RAD51B: variants seen among roughly 807,000 people sequenced by gnomAD.
RAD51B encodes the protein DNA repair protein RAD51 homolog 2.
In RAD51B, 38 loss-of-function variants were observed where a neutral mutation model predicts 42.2. The ratio of observed to expected loss-of-function variants is 0.90; its 90% CI spans 0.70 to 1.18. RAD51B has a LOEUF of 1.18. Among genes scored for constraint, RAD51B ranks in the 50% most tolerant of loss-of-function variants. The pLI is 0.00. For missense variants in RAD51B, 373 were observed against 400.7 expected, an observed-to-expected ratio of 0.93 and a Z score of 0.59; for synonymous variants, 154 against 145.2, an observed-to-expected ratio of 1.06 and a Z score of -0.43.
intron 10 of RAD51B, among the ~76,000 whole-genome samples, chr14:68,538,350 A>G (rs549483973): frequency 6.6e-6 from 1 of 152,330 alleles, no homozygotes. Flanking sequence ...GCCGGGGGCC[A>G]GGAGCCAGCT....
At chr14:67,839,666 C>T (rs1314301679) in intron 4 of RAD51B, among the ~76,000 whole-genome samples, 2 of 151,900 alleles carry the variant, frequency 1.3e-5, no homozygotes, top group Non-Finnish European at 2.9e-5. Flanking sequence ...ATTATTTCTT[C>T]ATCTTCTACC....
chr14:68,554,960 T>C (rs1888759391), intron 10 of RAD51B, among the ~76,000 whole-genome samples: 1 of 152,046 alleles, frequency 6.6e-6, no homozygotes, highest in Non-Finnish European at 1.5e-5. Context: ...GTGAGTCTCC[T>C]GCCTCAGCTC....
chr14:67,953,189 G>A (rs2074486069), intron 7 of RAD51B, among the ~76,000 whole-genome samples: 1 of 152,142 alleles, frequency 6.6e-6, no homozygotes, highest in Non-Finnish European at 1.5e-5. Context: ...ATTAACATAA[G>A]TGCTTCATGA....
intron 7 of RAD51B, among the ~76,000 whole-genome samples, chr14:67,987,310 A>G (rs2075211497): frequency 6.6e-6 from 1 of 152,162 alleles, no homozygotes; most frequent in Non-Finnish European, 1.5e-5. Flanking sequence ...TTTTGTACCC[A>G]TTAACCATTT....
chr14:68,198,173 C>T (rs889210196), intron 7 of RAD51B, among the ~76,000 whole-genome samples: 10 of 151,986 alleles, frequency 6.6e-5, no homozygotes, highest in Non-Finnish European at 1.2e-4. Context: ...ATTTTTCCAG[C>T]GTTCTCTAGC....
At chr14:68,402,860 CTG>C (rs1195553411) in intron 8 of RAD51B, among the ~76,000 whole-genome samples, 2 of 152,168 alleles carry the variant, frequency 1.3e-5, no homozygotes, top group Non-Finnish European at 2.9e-5. Context: ...GATGAGGAAA[CTG>C]AGGCTCAGTG....
At chr14:67,896,088 C>T (rs2043408458) in intron 7 of RAD51B, among the ~76,000 whole-genome samples, 1 of 152,098 alleles carries the variant, frequency 6.6e-6, no homozygotes, top group African/African-American at 2.4e-5. Context: ...CCCCTGAAAA[C>T]AGAATTATGT....
At chr14:67,927,078 C>T (rs1425021139) in intron 7 of RAD51B, among the ~76,000 whole-genome samples, 1 of 152,152 alleles carries the variant, frequency 6.6e-6, no homozygotes, top group Non-Finnish European at 1.5e-5. Flanking sequence ...TGCTCAAGAT[C>T]ACTATGGTTC....
chr14:67,824,327 G>A (rs184278092), intron 2 of RAD51B, among the ~76,000 whole-genome samples: 72 of 152,084 alleles, frequency 4.7e-4, no homozygotes, highest in African/African-American at 1.7e-3. Flanking sequence ...GTGCCATATC[G>A]GCTCACTGCA....
chr14:68,296,779 A>G (rs1447843748), intron 8 of RAD51B, among the ~76,000 whole-genome samples: 2 of 152,202 alleles, frequency 1.3e-5, no homozygotes, highest in African/African-American at 4.8e-5. Context: ...GCTTTATGGA[A>G]AAGAAGACAT....
At chr14:67,822,233 A>C (rs2040655387) in intron 1 of RAD51B, 1 of 152,176 alleles carries the variant, frequency 6.6e-6, no homozygotes, top group South Asian at 2.1e-4. Flanking sequence ...TCAATGAGAT[A>C]TACAGCTTCT....
At chr14:68,268,611 C>T (rs2081040795) in intron 7 of RAD51B, among the ~76,000 whole-genome samples, 1 of 152,192 alleles carries the variant, frequency 6.6e-6, no homozygotes, top group African/African-American at 2.4e-5. Context: ...AACTAGGAAT[C>T]AAAAGATCTG....
intron 5 of RAD51B, among the ~76,000 whole-genome samples, chr14:67,875,423 G>A (rs530831349): frequency 6.6e-6 from 1 of 152,278 alleles, no homozygotes; most frequent in South Asian, 2.1e-4. Flanking sequence ...ACAGTCATGT[G>A]CTACATAACA....
intron 7 of RAD51B, among the ~76,000 whole-genome samples, chr14:68,167,046 G>A (rs371493985): frequency 6.6e-6 from 1 of 152,006 alleles, no homozygotes; most frequent in Non-Finnish European, 1.5e-5. Context: ...GTCTACTCTC[G>A]ATACCATTTC....
At chr14:68,481,492 C>T (rs1411278863), downstream of RAD51B, among the ~76,000 whole-genome samples, 1 of 152,232 alleles carries the variant, frequency 6.6e-6, no homozygotes. Flanking sequence ...CAAGGCCCTC[C>T]AGGCCTTCAC....
intron 8 of RAD51B, among the ~76,000 whole-genome samples, chr14:68,299,527 T>C (rs974090638): frequency 3.3e-5 from 5 of 152,224 alleles, no homozygotes; most frequent in Admixed American, 1.3e-4. Context: ...GTAGGTTACA[T>C]GCAAATACAG....
rs545706666 is a variant in RAD51B, at chr14:68,171,414, C to T, written c.757-120470C>T. 2.0e-5 allele frequency among the ~76,000 whole-genome samples: 3 copies of T among 152,154 alleles called. No individual in the cohort carries two copies. In the East Asian group the frequency reaches 5.8e-4, roughly 29 times the overall value. The stretch of plus-strand genomic sequence containing the variant: ...TCCCGGGTTCAAGTGATTCTCCTGC[C>T]TCAGCCTCCCAAGTAGCTGGGATTA... On this transcript the variant is annotated intron_variant, in intron 7 of 10. Transcript: ENST00000471583.
Position 68,350,514 on chromosome 14 carries a change from A to C in RAD51B, c.853+58534A>C, listed in dbSNP as rs147180351. ...ACAGTCAGAAAATTGCTGGTGAAGC[A>C]TCTTTCTTCAGAGTGCCTCCCTTCC... On this transcript the variant is annotated intron_variant, in intron 8 of 10. Coordinates refer to ENST00000471583, the MANE Select transcript of RAD51B (RefSeq NM_133510.4). Among the ~76,000 whole-genome samples the C allele has an allele frequency of 7.1e-4, 108 of 152,360 alleles. 2 individuals carry two copies. The East Asian group carries it at 0.019, about 27-fold the overall frequency.
intron 11 of RAD51B, among the ~76,000 whole-genome samples, chr14:68,673,643 T>C (rs1366512331): frequency 6.6e-6 from 1 of 151,546 alleles, no homozygotes; most frequent in Admixed American, 6.6e-5. Context: ...CACATATGTA[T>C]ACATGCACAC....
Sources: gnomAD v4.1 joint callset for allele counts (sites outside exome capture counted in the v4.1 genomes callset) on GRCh38, gnomAD v4.1.1 for gene constraint, MANE v1.5 for transcripts, NCBI Gene and HGNC (gene_info 2026-07-23, HGNC 2026-07-21) for gene names.